Variants in KCNK10 observed in about 807,000 individuals in gnomAD.
KCNK10 encodes potassium two pore domain channel subfamily K member 10.
A neutral mutation model predicts 47.7 loss-of-function variants in KCNK10; 25 were observed. The observed-to-expected ratio is 0.52, with a 90% confidence interval of 0.38 to 0.73. KCNK10 has a LOEUF of 0.73. KCNK10 is among the 30% of genes least tolerant of loss of function. KCNK10 has a pLI of 0.00. For synonymous variants in KCNK10, 303 were observed against 285.6 expected (o/e 1.06, Z -0.61); for missense variants, 563 against 714.5 (o/e 0.79, Z 2.42).
At chr14:88,202,927 G>A (rs1439229280) in intron 4 of KCNK10, among the ~76,000 whole-genome samples, 3 of 152,226 alleles carry the variant, frequency 2.0e-5, no homozygotes, top group Non-Finnish European at 4.4e-5. Flanking sequence ...TAGGTCCTCC[G>A]ACAGAGGGTG....
chr14:88,188,362 A>C (rs1405276681), intron 5 of KCNK10, among the ~76,000 whole-genome samples: 1 of 152,220 alleles, frequency 6.6e-6, no homozygotes, highest in Non-Finnish European at 1.5e-5. Context: ...AAAAAACGCC[A>C]GTGGCCAACT....
At chr14:88,324,198 C>G (rs189928763), upstream of KCNK10, among the ~76,000 whole-genome samples, 23 of 152,364 alleles carry the variant, frequency 1.5e-4, no homozygotes, top group East Asian at 4.3e-3. Context: ...GACCTGTTCC[C>G]GGAAAGGGGC....
At chr14:88,272,434 T>C (rs1887428955) in intron 1 of KCNK10, among the ~76,000 whole-genome samples, 1 of 151,592 alleles carries the variant, frequency 6.6e-6, no homozygotes, top group Non-Finnish European at 1.5e-5. Flanking sequence ...GGGCATTAGG[T>C]GTCTGCGAGA....
At chr14:88,256,100 C>A (rs1185534586) in intron 2 of KCNK10, among the ~76,000 whole-genome samples, 1 of 152,180 alleles carries the variant, frequency 6.6e-6, no homozygotes, top group Non-Finnish European at 1.5e-5. Flanking sequence ...CCTCTATGTG[C>A]TGAACTGCTG....
At chr14:88,218,672 A>G (rs1292616864) in intron 4 of KCNK10, among the ~76,000 whole-genome samples, 1 of 152,164 alleles carries the variant, frequency 6.6e-6, no homozygotes, top group Non-Finnish European at 1.5e-5. Context: ...CAGAGGCCAA[A>G]GTCCAGCTTG....
chr14:88,253,468 C>T (rs1349366150), intron 2 of KCNK10, among the ~76,000 whole-genome samples: 3 of 151,944 alleles, frequency 2.0e-5, no homozygotes, highest in Non-Finnish European at 4.4e-5. Context: ...GGAAACATCA[C>T]GAGGTACCTC....
chr14:88,313,638 C>T (rs988032553), intron 1 of KCNK10, among the ~76,000 whole-genome samples: 1 of 152,180 alleles, frequency 6.6e-6, no homozygotes, highest in African/African-American at 2.4e-5. Context: ...ACAGATCCTC[C>T]TGCCCCAGTC....
At chr14:88,247,070 C>T (rs1313569382) in intron 2 of KCNK10, among the ~76,000 whole-genome samples, 6 of 152,156 alleles carry the variant, frequency 3.9e-5, no homozygotes, top group Non-Finnish European at 5.9e-5. Context: ...ACATCTGGTG[C>T]GCAGCAAAGC....
intron 2 of KCNK10, among the ~76,000 whole-genome samples, chr14:88,259,021 C>T (rs1887038012): frequency 1.3e-5 from 2 of 152,232 alleles, no homozygotes; most frequent in Non-Finnish European, 2.9e-5. Context: ...TTTCTACTCT[C>T]CAGTCACTCC....
intron 1 of KCNK10, among the ~76,000 whole-genome samples, chr14:88,282,127 AAAG>A (rs1235679302): frequency 1.3e-5 from 2 of 152,208 alleles, no homozygotes; most frequent in African/African-American, 2.4e-5. Flanking sequence ...GAATGAAATC[AAAG>A]AAGAAGATGT....
Position 88,185,753 on chromosome 14 carries a change from C to G in KCNK10, c.1414G>C (p.Glu472Gln), listed in dbSNP as rs766274629. 1.9e-6 allele frequency: 3 copies of G among 1,614,168 alleles called. No individual in the cohort carries two copies. In the East Asian group the frequency reaches 6.7e-5, roughly 36 times the overall value. Residue 472 changes from glutamate to glutamine, a missense_variant, in exon 7 of 7, where the codon GAG (glutamate) becomes CAG (glutamine). Glu to Gln is a conservative substitution (Grantham distance 29). Transcript: ENST00000319231. This position sits in a 1 kb window ranked among gnomAD's most constrained non-coding sequence, Gnocchi z 4.3. ...GTCTTGTAGATTTTCTGAACGTCCT[C>G]GGGCAAGGTCTTTTTGAGGTCCTTG... is the stretch of plus-strand genomic sequence containing the variant. ...KNKDLKKTLP[E>Q]DVQKIYKTFR... is the part of the protein sequence containing the mutation.
At chr14:88,227,588 C>A in intron 3 of KCNK10, 53 bp from the exon 4 acceptor site, 5 of 1,501,526 alleles carry the variant, frequency 3.3e-6, no homozygotes, top group South Asian at 1.3e-5. Flanking sequence ...AGCATACTGA[C>A]CAAAGAACTC....
chr14:88,292,698 T>C (rs888681192), intron 1 of KCNK10, among the ~76,000 whole-genome samples: 2 of 152,126 alleles, frequency 1.3e-5, no homozygotes, highest in African/African-American at 2.4e-5. Flanking sequence ...AGTGGCACGA[T>C]CTCTGCTCAC....
At chr14:88,235,151 C>G (rs1176921151) in intron 3 of KCNK10, 1 of 456,528 alleles carries the variant, frequency 2.2e-6, no homozygotes, top group African/African-American at 2.0e-5. Flanking sequence ...CAGAAACACT[C>G]TGTCACAGAA....
At chr14:88,242,033 G>A (rs1049570173) in intron 2 of KCNK10, among the ~76,000 whole-genome samples, 2 of 152,198 alleles carry the variant, frequency 1.3e-5, no homozygotes, top group Non-Finnish European at 2.9e-5. Flanking sequence ...GAGAGGAGGT[G>A]ACAGACACAG....
intron 4 of KCNK10, among the ~76,000 whole-genome samples, chr14:88,202,019 C>T (rs1595077752): frequency 6.6e-6 from 1 of 152,304 alleles, no homozygotes; most frequent in Non-Finnish European, 1.5e-5. Flanking sequence ...GTTCTAGATT[C>T]CATTGCTCCT....
intron 4 of KCNK10, among the ~76,000 whole-genome samples, chr14:88,216,605 GA>G (rs1566688690): frequency 6.6e-6 from 1 of 152,160 alleles, no homozygotes; most frequent in East Asian, 1.9e-4. Flanking sequence ...GCCGTCCATG[GA>G]AAAACTGTCA....
chr14:88,315,655 T>A (rs17124496), intron 1 of KCNK10, among the ~76,000 whole-genome samples: 5,802 of 152,244 alleles, frequency 0.038, 153 homozygotes, highest in South Asian at 0.099. Context: ...CTAGCTTGCA[T>A]GTCAAAATTA....
rs149823070 is a variant in KCNK10 at position 88,257,710 on chromosome 14, A to G, written c.402+5492T>C. On this transcript the variant is annotated intron_variant, in intron 2 of 6. Coordinates refer to ENST00000319231, the MANE Select transcript of KCNK10 (RefSeq NM_138317.3). ...TGTGGGCACCAAAGATTATCCTCAC[A>G]GAACAGCTGTGGGGACTGAAGGAGA... 3.2e-3 allele frequency among the ~76,000 whole-genome samples: 485 copies of G among 152,354 alleles called. 4 individuals carry two copies. Among genetic ancestry groups the G allele is most frequent in the African/African-American group, 0.011 (456 of 41,574 alleles).
Sources: gnomAD v4.1 joint callset for allele counts (sites outside exome capture counted in the v4.1 genomes callset) on GRCh38, gnomAD v4.1.1 for gene constraint, Gnocchi (gnomAD v3.1) non-coding constraint, MANE v1.5 for transcripts, NCBI Gene and HGNC (gene_info 2026-07-23, HGNC 2026-07-21) for gene names.